The following MARCHF11 variants were observed in gnomAD, a reference collection of about 807,000 sequenced individuals.
MARCHF11 encodes membrane associated ring-CH-type finger 11, also known as E3 ubiquitin-protein ligase MARCHF11.
A neutral mutation model predicts 37.3 loss-of-function variants in MARCHF11; 29 were observed. The ratio of observed to expected loss-of-function variants is 0.78; its 90% CI spans 0.58 to 1.06. MARCHF11 has a LOEUF of 1.06. MARCHF11 is among the 50% of genes least tolerant of loss of function. The pLI, the probability that MARCHF11 is intolerant of heterozygous loss-of-function variation, is 0.00. For synonymous variants in MARCHF11, 233 were observed against 228.0 expected (o/e 1.02, Z -0.20); for missense variants, 482 against 533.4 (o/e 0.90, Z 0.95).
intron 3 of MARCHF11, among the ~76,000 whole-genome samples, chr5:16,076,918 A>G (rs930676665): frequency 5.9e-5 from 9 of 152,266 alleles, no homozygotes; most frequent in Non-Finnish European, 1.0e-4. Context: ...TACACTGACT[A>G]TGAAGGAGAT....
At chr5:16,067,842 G>T in intron 3 of MARCHF11, 49 bp from the exon 4 acceptor site, 1 of 1,501,054 alleles carries the variant, frequency 6.7e-7, no homozygotes, top group Non-Finnish European at 9.0e-7. Flanking sequence ...ATAATCCAAG[G>T]CTGGGAGTGT....
intron 2 of MARCHF11, among the ~76,000 whole-genome samples, chr5:16,171,514 AT>A (rs1184697318): frequency 6.6e-6 from 1 of 152,068 alleles, no homozygotes; most frequent in Non-Finnish European, 1.5e-5. Flanking sequence ...CAGGGGAAAC[AT>A]TGTTTAAAAA....
intron 2 of MARCHF11, among the ~76,000 whole-genome samples, chr5:16,148,818 G>C (rs924122525): frequency 2.0e-4 from 31 of 152,282 alleles, no homozygotes; most frequent in African/African-American, 7.0e-4. Context: ...GAAAGACAGA[G>C]AGAGAGGGAC....
intron 2 of MARCHF11, among the ~76,000 whole-genome samples, chr5:16,097,571 A>C (rs1736893147): frequency 1.3e-5 from 2 of 152,360 alleles, no homozygotes; most frequent in East Asian, 3.9e-4. Flanking sequence ...AAATAGCTGT[A>C]TGCTCATTAA....
At chr5:16,124,321 G>C (rs955736727) in intron 2 of MARCHF11, among the ~76,000 whole-genome samples, 1 of 152,182 alleles carries the variant, frequency 6.6e-6, no homozygotes, top group Non-Finnish European at 1.5e-5. Flanking sequence ...AGAAGGACGA[G>C]GCAGGACTGG....
At chr5:16,100,256 CG>C (rs1736933446) in intron 2 of MARCHF11, among the ~76,000 whole-genome samples, 1 of 152,104 alleles carries the variant, frequency 6.6e-6, no homozygotes, top group Non-Finnish European at 1.5e-5. Flanking sequence ...CCACCTTCCT[CG>C]GGGTACAGGA....
intron 2 of MARCHF11, among the ~76,000 whole-genome samples, chr5:16,123,698 C>A (rs1313758591): frequency 6.6e-6 from 1 of 152,022 alleles, no homozygotes; most frequent in Admixed American, 6.6e-5. Flanking sequence ...CCAGAAGCCA[C>A]GTATTCATAT....
chr5:16,151,277 G>A (rs1416569962), intron 2 of MARCHF11, among the ~76,000 whole-genome samples: 1 of 152,010 alleles, frequency 6.6e-6, no homozygotes, highest in Non-Finnish European at 1.5e-5. Context: ...GTTTATGGAT[G>A]AGCATTTAGG....
chr5:16,087,908 T>C (rs887616782), intron 3 of MARCHF11, among the ~76,000 whole-genome samples: 3 of 152,254 alleles, frequency 2.0e-5, no homozygotes, highest in African/African-American at 7.2e-5. Context: ...GATGATAACA[T>C]TTTTGGATTC....
intron 2 of MARCHF11, among the ~76,000 whole-genome samples, chr5:16,119,318 T>A (rs1579392619): frequency 6.6e-6 from 1 of 151,212 alleles, no homozygotes; most frequent in Admixed American, 6.6e-5. Context: ...GCCAAGATCG[T>A]ACCACTGCAC....
intron 2 of MARCHF11, among the ~76,000 whole-genome samples, chr5:16,175,422 T>C (rs779124085): frequency 1.1e-4 from 16 of 152,132 alleles, no homozygotes; most frequent in Non-Finnish European, 1.9e-4. Flanking sequence ...TAGGATGGGA[T>C]TGAGAAGCAC....
intron 2 of MARCHF11, among the ~76,000 whole-genome samples, chr5:16,128,560 A>C (rs1737459215): frequency 6.6e-6 from 1 of 152,230 alleles, no homozygotes; most frequent in Admixed American, 6.5e-5. Context: ...ACGGGCAAGA[A>C]CCAGGGAAAT....
At chr5:16,160,317 T>G (rs972836110) in intron 2 of MARCHF11, among the ~76,000 whole-genome samples, 3 of 18,818 alleles carry the variant, frequency 1.6e-4, no homozygotes, top group African/African-American at 1.3e-4. Context: ...ATATTTAATA[T>G]AAACATTTAA....
intron 2 of MARCHF11, among the ~76,000 whole-genome samples, chr5:16,098,121 C>T (rs1272353183): frequency 6.6e-6 from 1 of 152,154 alleles, no homozygotes; most frequent in Non-Finnish European, 1.5e-5. Context: ...GGTATACTCT[C>T]ATTCATGATG....
intron 3 of MARCHF11, among the ~76,000 whole-genome samples, chr5:16,075,219 C>G (rs967503134): frequency 1.3e-5 from 2 of 152,224 alleles, no homozygotes; most frequent in African/African-American, 4.8e-5. Context: ...TGCTCTTGCA[C>G]AAACTTCTGC....
At chr5:16,109,109 C>T (rs1278462375) in intron 2 of MARCHF11, among the ~76,000 whole-genome samples, 2 of 150,554 alleles carry the variant, frequency 1.3e-5, no homozygotes, top group Non-Finnish European at 3.0e-5. Context: ...GAAATACACA[C>T]ACACACACAC....
intron 2 of MARCHF11, among the ~76,000 whole-genome samples, chr5:16,166,805 C>T (rs1473859879): frequency 2.0e-5 from 3 of 151,876 alleles, no homozygotes; most frequent in African/African-American, 7.2e-5. Context: ...CCACTCTAAT[C>T]AAGTATCACA....
At chr5:16,172,485 A>G (rs563065316) in intron 2 of MARCHF11, among the ~76,000 whole-genome samples, 1 of 152,212 alleles carries the variant, frequency 6.6e-6, no homozygotes, top group South Asian at 2.1e-4. Flanking sequence ...AAAGAATGGA[A>G]GTAAGAGCAG....
intron 2 of MARCHF11, among the ~76,000 whole-genome samples, chr5:16,132,540 A>G (rs570932281): frequency 6.6e-6 from 1 of 152,306 alleles, no homozygotes; most frequent in South Asian, 2.1e-4. Context: ...AAGGCAAACT[A>G]CCAGGATAAT....
Sources: allele counts gnomAD v4.1 joint callset (sites outside exome capture counted in the v4.1 genomes callset), GRCh38; gene constraint gnomAD v4.1.1; transcripts MANE v1.5; gene names NCBI Gene and HGNC (gene_info 2026-07-23, HGNC 2026-07-21).